Variants in LYRM7 observed in about 807,000 individuals in gnomAD.
LYRM7 encodes the protein complex III assembly factor LYRM7.
LYRM7 carries 9 observed loss-of-function variants against 15.8 expected under a neutral mutation model. That is an observed-to-expected ratio of 0.57 (90% CI 0.34 to 0.99). LYRM7 has a LOEUF of 0.99. Among genes scored for constraint, LYRM7 ranks in the 50% least tolerant of loss-of-function variants. The probability of loss-of-function intolerance (pLI) is 0.02; values close to 1 mark genes in which losing one functional copy is unlikely to be tolerated. For missense variants in LYRM7, 115 were observed against 119.1 expected, an observed-to-expected ratio of 0.97 and a Z score of 0.16; for synonymous variants, 39 against 39.4, an observed-to-expected ratio of 0.99 and a Z score of 0.04.
At position 131,205,302 on chromosome 5, in the gene LYRM7, C is replaced by A. The variant is rs942396473; in HGVS notation, c.*5701C>A. ...AAATGTAAATGAATGGCGTTATGCT[C>A]CATGTATTCTGCAACTTTTCATCAT... is the stretch of plus-strand genomic sequence containing the variant. On this transcript the variant is annotated 3_prime_UTR_variant, in exon 5 of 5. Transcript: ENST00000379380. 4 of 152,184 alleles carry A rather than the reference C, an allele frequency of 2.6e-5. No homozygotes were observed. Among genetic ancestry groups the A allele is most frequent in the African/African-American group, 9.6e-5 (4 of 41,452 alleles). The allele number at this position is 152,184 out of a possible 1,614,324, so 9.4% of individuals were successfully genotyped here.
intron 4 of LYRM7, among the ~76,000 whole-genome samples, chr5:131,191,348 A>T (rs972399794): frequency 2.6e-5 from 4 of 152,156 alleles, no homozygotes; most frequent in African/African-American, 9.7e-5. Flanking sequence ...TGTTTAGAAA[A>T]TGGAAAGTTG....
At chr5:131,181,302 A>T (rs375487354) in intron 2 of LYRM7, among the ~76,000 whole-genome samples, 3,610 of 8,732 alleles carry the variant, frequency 0.41, 920 homozygotes, top group Middle Eastern at 0.86. Flanking sequence ...AAAAAAAAAA[A>T]ATATATATAT....
intron 1 of LYRM7, among the ~76,000 whole-genome samples, chr5:131,173,507 A>G (rs1426621177): frequency 3.9e-5 from 6 of 152,228 alleles, no homozygotes; most frequent in African/African-American, 1.4e-4. Context: ...GCACTTTGGG[A>G]GGCCCAGGTG....
rs530055555 is a variant in LYRM7, at chr5:131,179,062, T to C, written c.19-1033T>C. ...CCTCTTTTAAGATGCAATAAATTCATAATTTTGCATATGTGTGTGTATGAT... is the reference window on the plus strand; with the variant it reads ...CCTCTTTTAAGATGCAATAAATTCACAATTTTGCATATGTGTGTGTATGAT... On this transcript the variant is annotated intron_variant, in intron 1 of 4. Transcript: ENST00000379380. 4.0e-5 allele frequency among the ~76,000 whole-genome samples: 6 copies of C among 151,738 alleles called. No homozygotes were observed. The East Asian group carries it at 1.2e-3, about 29-fold the overall frequency.
rs908787336 is a variant in LYRM7 at position 131,205,294 on chromosome 5, G to A, written c.*5693G>A. ...TGATTTTAAAATGTAAATGAATGGC[G>A]TTATGCTCCATGTATTCTGCAACTT... is the stretch of plus-strand genomic sequence containing the variant. On this transcript the variant is annotated 3_prime_UTR_variant, in exon 5 of 5. Coordinates refer to ENST00000379380, the MANE Select transcript of LYRM7 (RefSeq NM_181705.4). 2.6e-5 allele frequency: 4 copies of A among 152,274 alleles called. No individual in the cohort carries two copies. Among genetic ancestry groups the A allele is most frequent in the African/African-American group, 4.8e-5 (2 of 41,548 alleles). The allele number at this position is 152,274 out of a possible 1,614,324, so 9.4% of individuals were successfully genotyped here. A position where few individuals can be genotyped will look rare whatever the true frequency, so the allele number is the denominator to read the frequency against.
At chr5:131,187,597 G>A (rs946739508) in intron 4 of LYRM7, among the ~76,000 whole-genome samples, 1 of 151,590 alleles carries the variant, frequency 6.6e-6, no homozygotes, top group Non-Finnish European at 1.5e-5. Context: ...CATTTCTCAT[G>A]CCTCAGCCTC....
chr5:131,188,064 C>A, intron 4 of LYRM7, among the ~76,000 whole-genome samples: 1 of 151,800 alleles, frequency 6.6e-6, no homozygotes, highest in African/African-American at 2.4e-5. Context: ...CAAGACCAGC[C>A]TGGGCAACAT....
chr5:131,183,399 G>GCTATTCAGTAGA (rs1755743797), intron 3 of LYRM7, among the ~76,000 whole-genome samples: 2 of 152,222 alleles, frequency 1.3e-5, no homozygotes, highest in East Asian at 3.9e-4. Flanking sequence ...TGTACTGTTT[G>GCTATTCAGTAGA]CTATTCAGTA....
chr5:131,171,135 C>G, intron 1 of LYRM7, 97 bp downstream of exon 1: 1 of 1,268,990 alleles, frequency 7.9e-7, no homozygotes. Context: ...GCTGGGGCTC[C>G]TGACCCTTTA....
chr5:131,190,273 G>A (rs1273548359), intron 4 of LYRM7, among the ~76,000 whole-genome samples: 1 of 152,042 alleles, frequency 6.6e-6, no homozygotes, highest in African/African-American at 2.4e-5. Flanking sequence ...TCGTCTCACT[G>A]CAACCTCTGC....
intron 3 of LYRM7, among the ~76,000 whole-genome samples, chr5:131,183,952 G>A (rs557319544): frequency 6.6e-6 from 1 of 151,932 alleles, no homozygotes; most frequent in Non-Finnish European, 1.5e-5. Flanking sequence ...AGTGGTATTG[G>A]TTTTTTTGTT....
At chr5:131,189,336 T>G (rs1366725016) in intron 4 of LYRM7, among the ~76,000 whole-genome samples, 8 of 146,220 alleles carry the variant, frequency 5.5e-5, no homozygotes, top group African/African-American at 1.5e-4. Flanking sequence ...CCAGCTATTC[T>G]GGAGGCTGAG....
At chr5:131,172,054 G>A (rs1157559749) in intron 1 of LYRM7, among the ~76,000 whole-genome samples, 2 of 152,180 alleles carry the variant, frequency 1.3e-5, no homozygotes, top group East Asian at 1.9e-4. Flanking sequence ...TTTAATTACA[G>A]TTGTAATAAA....
intron 4 of LYRM7, among the ~76,000 whole-genome samples, chr5:131,197,888 A>AGTGTGTG (rs1755993956): frequency 8.3e-6 from 1 of 119,868 alleles, no homozygotes; most frequent in African/African-American, 4.0e-5. Context: ...GTGTGTGTAA[A>AGTGTGTG]TATATATATT....
At chr5:131,195,158 C>A (rs1261946220) in intron 4 of LYRM7, among the ~76,000 whole-genome samples, 2 of 151,998 alleles carry the variant, frequency 1.3e-5, no homozygotes, top group African/African-American at 4.8e-5. Context: ...ATCCCAGCTA[C>A]TCGGGAGGCT....
intron 1 of LYRM7, among the ~76,000 whole-genome samples, chr5:131,178,868 A>C (rs2149660233): frequency 6.7e-6 from 1 of 148,708 alleles, no homozygotes; most frequent in East Asian, 2.0e-4. Context: ...AGGCTGAGGC[A>C]GGAGAATCGC....
intron 1 of LYRM7, among the ~76,000 whole-genome samples, chr5:131,177,439 A>G (rs1247834285): frequency 6.6e-6 from 1 of 152,232 alleles, no homozygotes; most frequent in Non-Finnish European, 1.5e-5. Flanking sequence ...GACAGATAAG[A>G]GACTTTGCAT....
At chr5:131,186,151 A>G (rs1755792098) in intron 3 of LYRM7, among the ~76,000 whole-genome samples, 1 of 152,146 alleles carries the variant, frequency 6.6e-6, no homozygotes, top group South Asian at 2.1e-4. Flanking sequence ...GGGTCTCTCA[A>G]GTACATATTA....
intron 3 of LYRM7, among the ~76,000 whole-genome samples, chr5:131,185,971 A>G (rs1208843102): frequency 6.6e-6 from 1 of 152,252 alleles, no homozygotes; most frequent in African/African-American, 2.4e-5. Context: ...AAAATAAGAA[A>G]ATATCTGCCA....
Sources: allele counts gnomAD v4.1 joint callset (sites outside exome capture counted in the v4.1 genomes callset), GRCh38; gene constraint gnomAD v4.1.1; transcripts MANE v1.5; gene names NCBI Gene and HGNC (gene_info 2026-07-23, HGNC 2026-07-21).